The following FOCAD variants were observed in gnomAD, a reference collection of about 807,000 sequenced individuals.
The protein encoded by FOCAD is focadhesin.
A neutral mutation model predicts 225.6 loss-of-function variants in FOCAD; 198 were observed. The ratio of observed to expected loss-of-function variants is 0.88; its 90% confidence interval spans 0.78 to 0.99. FOCAD has a LOEUF of 0.99. Among genes scored for constraint, FOCAD ranks in the 50% least tolerant of loss-of-function variants. FOCAD has a pLI of 0.00. For synonymous variants in FOCAD, 897 were observed against 755.0 expected (o/e 1.19, Z -3.08); for missense variants, 2,713 against 2,123.6 (o/e 1.28, Z -5.46).
intron 15 of FOCAD, among the ~76,000 whole-genome samples, chr9:20,860,188 A>G (rs1434105006): frequency 6.6e-6 from 1 of 152,192 alleles, no homozygotes; most frequent in Non-Finnish European, 1.5e-5. Flanking sequence ...AAACTAGGAA[A>G]TTAATATTGG....
intron 11 of FOCAD, among the ~76,000 whole-genome samples, chr9:20,794,179 C>G (rs1182491774): frequency 6.6e-6 from 1 of 152,102 alleles, no homozygotes; most frequent in Admixed American, 6.5e-5. Flanking sequence ...TGTAACTAAC[C>G]AGAGCATCTG....
chr9:20,967,919 T>C (rs1461987373), intron 35 of FOCAD, among the ~76,000 whole-genome samples: 1 of 152,096 alleles, frequency 6.6e-6, no homozygotes, highest in Non-Finnish European at 1.5e-5. Flanking sequence ...TATGTATCAG[T>C]CTCTGGTTTT....
intron 21 of FOCAD, among the ~76,000 whole-genome samples, chr9:20,890,471 T>G (rs1386363215): frequency 6.6e-6 from 1 of 152,036 alleles, no homozygotes; most frequent in Non-Finnish European, 1.5e-5. Flanking sequence ...GTTGATATGA[T>G]TACTTATTTT....
intron 35 of FOCAD, among the ~76,000 whole-genome samples, chr9:20,967,451 A>G (rs938568012): frequency 6.6e-6 from 1 of 152,170 alleles, no homozygotes; most frequent in Non-Finnish European, 1.5e-5. Context: ...ATAGGATCAT[A>G]TCATTTGCAA....
rs548746378 is a variant in FOCAD at position 20,942,201 on chromosome 9, CG to C, written c.3408-2425del. On this transcript the variant is annotated intron_variant, in intron 28 of 43. Transcript: ENST00000338382. ...GAATAGAATCGCTAGTGAATTATAA[CG>C]TTGCTCAGGTTATAGTAATAATTGC... Among the ~76,000 whole-genome samples, 16 of 152,246 alleles carry C rather than the reference CG, an allele frequency of 1.1e-4. 1 individual carries two copies. The South Asian group carries it at 3.3e-3, about 32-fold the overall frequency.
intron 35 of FOCAD, among the ~76,000 whole-genome samples, chr9:20,960,824 A>G (rs997778099): frequency 1.5e-4 from 22 of 145,280 alleles, no homozygotes; most frequent in African/African-American, 4.9e-4. Context: ...ATTCCCACCT[A>G]TGAGTGAGAA....
At chr9:20,843,634 A>G (rs554297783) in intron 15 of FOCAD, among the ~76,000 whole-genome samples, 2 of 152,180 alleles carry the variant, frequency 1.3e-5, no homozygotes, top group South Asian at 2.1e-4. Flanking sequence ...GTACTTGAAT[A>G]TTGATATCTT....
chr9:20,950,856 T>C, intron 33 of FOCAD, 140 bp from the exon 34 acceptor site: 1 of 679,164 alleles, frequency 1.5e-6, no homozygotes, highest in South Asian at 1.7e-5. Context: ...AGACACATGA[T>C]ATTACATCTT....
At chr9:20,844,270 A>C (rs1223389137) in intron 15 of FOCAD, among the ~76,000 whole-genome samples, 1 of 150,010 alleles carries the variant, frequency 6.7e-6, no homozygotes, top group East Asian at 1.9e-4. Context: ...TTGTGTTCCT[A>C]CTGTGCATAA....
intron 1 of FOCAD, among the ~76,000 whole-genome samples, chr9:20,690,008 A>G (rs757072639): frequency 6.6e-6 from 1 of 152,186 alleles, no homozygotes; most frequent in Non-Finnish European, 1.5e-5. Context: ...AATACATTTC[A>G]TCATGTGTGC....
intron 39 of FOCAD, among the ~76,000 whole-genome samples, chr9:20,984,790 G>C (rs572014074): frequency 6.6e-6 from 1 of 152,088 alleles, no homozygotes; most frequent in African/African-American, 2.4e-5. Context: ...TCAACAACTT[G>C]TAGTTCCTTT....
chr9:20,852,413 A>G (rs1217447114), intron 15 of FOCAD, among the ~76,000 whole-genome samples: 4 of 143,970 alleles, frequency 2.8e-5, no homozygotes, highest in Non-Finnish European at 4.5e-5. Context: ...GATTTTCCCT[A>G]TTGTTTATCC....
intron 19 of FOCAD, 103 bp from the exon 20 acceptor site, chr9:20,881,768 C>T (rs1251414607): frequency 8.5e-7 from 1 of 1,173,376 alleles, no homozygotes; most frequent in Non-Finnish European, 1.2e-6. Context: ...TAAGGTTTGG[C>T]CAGAAATGTA....
intron 15 of FOCAD, among the ~76,000 whole-genome samples, chr9:20,845,466 T>TATATATATATATATATATAC (rs1827003405): frequency 6.8e-6 from 1 of 145,990 alleles, no homozygotes; most frequent in African/African-American, 2.5e-5. Flanking sequence ...TATATATATA[T>TATATATATATATATATATAC]GACACGTGGT....
chr9:20,744,119 C>G (rs2131687718), intron 5 of FOCAD, among the ~76,000 whole-genome samples: 1 of 152,262 alleles, frequency 6.6e-6, no homozygotes, highest in Non-Finnish European at 1.5e-5. Flanking sequence ...TTCCATGGCC[C>G]CAACACATGT....
intron 24 of FOCAD, among the ~76,000 whole-genome samples, chr9:20,923,349 A>G (rs981326630): frequency 2.0e-5 from 3 of 152,176 alleles, no homozygotes; most frequent in African/African-American, 7.2e-5. Flanking sequence ...CACAGAAGAG[A>G]TCCTAGGAAA....
At chr9:20,915,276 A>G (rs541123342) in intron 23 of FOCAD, among the ~76,000 whole-genome samples, 1 of 152,304 alleles carries the variant, frequency 6.6e-6, no homozygotes, top group East Asian at 1.9e-4. Flanking sequence ...GGAGTGAATA[A>G]AGAAAGAGAA....
At chr9:20,704,455 A>C (rs1187659390) in intron 1 of FOCAD, among the ~76,000 whole-genome samples, 1 of 152,242 alleles carries the variant, frequency 6.6e-6, no homozygotes, top group Non-Finnish European at 1.5e-5. Context: ...GCAACAATCA[A>C]AAATGTTGCC....
At chr9:20,859,793 T>C (rs1469096440) in intron 15 of FOCAD, among the ~76,000 whole-genome samples, 1 of 150,522 alleles carries the variant, frequency 6.6e-6, no homozygotes, top group Non-Finnish European at 1.5e-5. Context: ...CGATAACTGA[T>C]AGAAGCTAGA....
Sources: allele counts gnomAD v4.1 joint callset (sites outside exome capture counted in the v4.1 genomes callset), GRCh38; gene constraint gnomAD v4.1.1; transcripts MANE v1.5; gene names NCBI Gene and HGNC (gene_info 2026-07-23, HGNC 2026-07-21).